The following PLAAT5 variants were observed in gnomAD, a reference collection of about 807,000 sequenced individuals.
PLAAT5 encodes phospholipase A and acyltransferase 5.
Under a neutral mutation model 27.8 loss-of-function variants are expected in PLAAT5, and 27 were observed. The observed-to-expected ratio is 0.97, with a 90% CI of 0.72 to 1.34. PLAAT5 has a LOEUF of 1.34. Among genes scored for constraint, PLAAT5 ranks in the 40% most tolerant of loss-of-function variants. The pLI is 0.00. For synonymous variants in PLAAT5, 125 were observed against 136.1 expected (o/e 0.92, Z 0.57); for missense variants, 368 against 343.8 (o/e 1.07, Z -0.56).
chr11:63,469,197 T>A lies in PLAAT5; in HGVS notation c.346-732A>T, dbSNP rs149778983. On this transcript the variant is annotated intron_variant, in intron 3 of 5. Coordinates refer to ENST00000540857, the MANE Select transcript of PLAAT5 (RefSeq NM_001146729.2). ...GAGAATGAGAATATACATGAATAGG[T>A]AGGCATAGAGTTGTACATAAGCATC... Among the ~76,000 whole-genome samples, 180 of 151,136 alleles carry A rather than the reference T, an allele frequency of 1.2e-3. 1 individual carries two copies. Among genetic ancestry groups the A allele is most frequent in the African/African-American group, 4.2e-3 (172 of 41,022 alleles).
At position 63,471,198 on chromosome 11, in the gene PLAAT5, G is replaced by A. The variant is rs775835962; in HGVS notation, c.346-2733C>T. On this transcript the variant is annotated intron_variant, in intron 3 of 5. Coordinates refer to ENST00000540857, the MANE Select transcript of PLAAT5 (RefSeq NM_001146729.2). ...ACATTAAGTCTATATAAACATCAGA[G>A]GATTCACAGTAGAAAGAACTAAGGT... is the stretch of plus-strand genomic sequence containing the variant. Among the ~76,000 whole-genome samples, 14 of 152,178 alleles carry A rather than the reference G, an allele frequency of 9.2e-5. No homozygotes were observed. The South Asian group carries it at 1.7e-3, about 18-fold the overall frequency.
intron 3 of PLAAT5, among the ~76,000 whole-genome samples, chr11:63,478,324 T>TG (rs1565212858): frequency 3.3e-5 from 5 of 151,544 alleles, no homozygotes; most frequent in African/African-American, 1.2e-4. Flanking sequence ...CAATAGACTT[T>TG]CTTTTTTTTT....
intron 3 of PLAAT5, among the ~76,000 whole-genome samples, chr11:63,474,947 A>T (rs1404685941): frequency 6.6e-6 from 1 of 152,002 alleles, no homozygotes; most frequent in Admixed American, 6.6e-5. Flanking sequence ...TAATTTCCAA[A>T]TACTTGTAAA....
At chr11:63,476,336 A>G (rs1283062599) in intron 3 of PLAAT5, among the ~76,000 whole-genome samples, 1 of 152,134 alleles carries the variant, frequency 6.6e-6, no homozygotes, top group East Asian at 1.9e-4. Context: ...TTAGAATGCT[A>G]TCTGGTGTGA....
At chr11:63,471,854 T>C (rs1467736616) in intron 3 of PLAAT5, among the ~76,000 whole-genome samples, 2 of 152,214 alleles carry the variant, frequency 1.3e-5, no homozygotes, top group Non-Finnish European at 2.9e-5. Flanking sequence ...TGGAATACTA[T>C]GCAGCCATAA....
In PLAAT5 at chr11:63,463,547, A is replaced by T. The variant is rs138530752; in HGVS notation, c.766T>A (p.Ser256Thr). 1.7e-4 allele frequency: 271 copies of T among 1,613,894 alleles called. No individual in the cohort carries two copies. In the African/African-American group the frequency reaches 3.1e-3, roughly 18 times the overall value. The change falls in exon 6 of 6, where the codon TCA (serine) becomes ACA (threonine). Residue 256 changes from serine (S) to threonine (T), a missense_variant. By Grantham distance (58) the Ser-to-Thr change is moderately conservative. Transcript: ENST00000540857. ...GGCTTTATGCTATCCACTACAGCTG[A>T]AATAACTGCTCCAGCAGCCTTCGCT... ...EGAKAAGAVISAVVDSIKPKP... is the reference protein window; with the variant it reads ...EGAKAAGAVITAVVDSIKPKP...
chr11:63,472,308 G>T (rs75033782), intron 3 of PLAAT5, among the ~76,000 whole-genome samples: 8,664 of 152,236 alleles, frequency 0.057, 666 homozygotes, highest in African/African-American at 0.17. Context: ...GAGAGAGGAA[G>T]TTGAATTTAC....
intron 2 of PLAAT5, among the ~76,000 whole-genome samples, chr11:63,489,807 G>A (rs10897423): frequency 0.2 from 30,372 of 152,140 alleles, 3,871 homozygotes; most frequent in Middle Eastern, 0.36. Context: ...ATAGTGTGTG[G>A]GGCAGAGGGG....
At chr11:63,471,712 C>T (rs1211275090) in intron 3 of PLAAT5, among the ~76,000 whole-genome samples, 1 of 152,182 alleles carries the variant, frequency 6.6e-6, no homozygotes, top group East Asian at 1.9e-4. Flanking sequence ...AGTAGTAAAT[C>T]ATTTTACCAA....
At chr11:63,470,788 C>T (rs1390852097) in intron 3 of PLAAT5, 3 of 152,084 alleles carry the variant, frequency 2.0e-5, no homozygotes, top group African/African-American at 7.2e-5. Flanking sequence ...GCTATCTGCT[C>T]ACATCTTACT....
At chr11:63,481,181 T>C (rs953796741) in intron 3 of PLAAT5, among the ~76,000 whole-genome samples, 1 of 152,234 alleles carries the variant, frequency 6.6e-6, no homozygotes, top group Admixed American at 6.5e-5. Flanking sequence ...GGCTCACGCC[T>C]ATAATCCCAG....
chr11:63,476,247 TG>T (rs1216006113), intron 3 of PLAAT5, among the ~76,000 whole-genome samples: 2 of 152,164 alleles, frequency 1.3e-5, no homozygotes, highest in Non-Finnish European at 1.5e-5. Context: ...CCTTTCAAAT[TG>T]GTCAGCATAA....
At chr11:63,490,684 G>A (rs1218013379) in intron 1 of PLAAT5, among the ~76,000 whole-genome samples, 1 of 152,180 alleles carries the variant, frequency 6.6e-6, no homozygotes, top group African/African-American at 2.4e-5. Flanking sequence ...TTCCATATGA[G>A]ATATAGCGGG....
chr11:63,480,709 C>T (rs984295714), intron 3 of PLAAT5, among the ~76,000 whole-genome samples: 6 of 152,140 alleles, frequency 3.9e-5, no homozygotes, highest in African/African-American at 1.4e-4. Flanking sequence ...GCCAAGGTTG[C>T]GGTTATACTG....
At chr11:63,466,774 A>G (rs2015877984) in intron 4 of PLAAT5, among the ~76,000 whole-genome samples, 1 of 152,092 alleles carries the variant, frequency 6.6e-6, no homozygotes, top group African/African-American at 2.4e-5. Context: ...TATCACATAC[A>G]TGATTATGGT....
chr11:63,465,539 C>G (rs2015837819), intron 5 of PLAAT5, among the ~76,000 whole-genome samples: 1 of 151,690 alleles, frequency 6.6e-6, no homozygotes, highest in African/African-American at 2.4e-5. Flanking sequence ...CACCTGTAAT[C>G]CCAGCACTTT....
In PLAAT5 at chr11:63,469,103, CGTGTGTGTGTGTGTGTGTGTGTGT is replaced by C. The variant is rs34013443; in HGVS notation, c.346-662_346-639del. On this transcript the variant is annotated intron_variant, in intron 3 of 5. Transcript: ENST00000540857. ...CAGCAAATGCAAACTTCTCTATTAT[CGTGTGTGTGTGTGTGTGTGTGTGT>C]GTGTGTGTGTGTGTGTGTGAGAGAG... Among the ~76,000 whole-genome samples the C allele has an allele frequency of 4.5e-5, 6 of 134,348 alleles. No homozygotes were observed. The East Asian group carries it at 1.3e-3, about 29-fold the overall frequency. The allele number at this position is 134,348 out of a possible 152,430, so 88.1% of individuals were successfully genotyped here. A position where few individuals can be genotyped will look rare whatever the true frequency, so the allele number is the denominator to read the frequency against.
chr11:63,483,806 T>A (rs1305504449), intron 3 of PLAAT5, among the ~76,000 whole-genome samples: 818 of 40,456 alleles, frequency 0.02, 42 homozygotes, highest in African/African-American at 0.14. Context: ...TATATGTATA[T>A]ATATATATAT....
rs746443005 is a variant in PLAAT5 at position 63,463,532 on chromosome 11, T to G, written c.781A>C (p.Ser261Arg). The G allele has an allele frequency of 6.2e-7, 1 of 1,613,898 alleles. No individual in the cohort carries two copies. The highest frequency in any genetic ancestry group is 1.1e-5 in the South Asian group (1 of 91,080). Reference sequence around the variant, plus strand: ...GCAGTTATTGGTTTGGGCTTTATGCTATCCACTACAGCTGAAATAACTGCT... The same window carrying G: ...GCAGTTATTGGTTTGGGCTTTATGCGATCCACTACAGCTGAAATAACTGCT... The part of the protein sequence containing the change: ...AGAVISAVVD[S>R]IKPKPITA Residue 261 changes from serine to arginine, a missense_variant, in exon 6 of 6, where the codon AGC (serine) becomes CGC (arginine). By Grantham distance (110) the Ser-to-Arg change is moderately radical. Transcript: ENST00000540857.
Sources: gnomAD v4.1 joint callset for allele counts (sites outside exome capture counted in the v4.1 genomes callset) on GRCh38, gnomAD v4.1.1 for gene constraint, MANE v1.5 for transcripts, NCBI Gene and HGNC (gene_info 2026-07-23, HGNC 2026-07-21) for gene names.